Variants in TBC1D22A observed in about 807,000 individuals in gnomAD.
The protein encoded by TBC1D22A is putative GTPase activator.
In TBC1D22A, 38 loss-of-function variants were observed where a neutral mutation model predicts 60.2. The observed-to-expected ratio is 0.63, with a 90% CI of 0.49 to 0.83. The LOEUF (loss-of-function observed/expected upper bound fraction) is 0.83, where lower values mean the gene tolerates loss of function less well. Among genes scored for constraint, TBC1D22A ranks in the 40% least tolerant of loss-of-function variants. The pLI is 0.00. For synonymous variants in TBC1D22A, 302 were observed against 281.7 expected (o/e 1.07, Z -0.72); for missense variants, 628 against 701.0 (o/e 0.90, Z 1.18).
intron 4 of TBC1D22A, among the ~76,000 whole-genome samples, chr22:46,829,919 C>T (rs1342201679): frequency 6.6e-6 from 1 of 152,168 alleles, no homozygotes; most frequent in Non-Finnish European, 1.5e-5. Flanking sequence ...TCCCAAGACA[C>T]CAGATTCAGT....
intron 1 of TBC1D22A, chr22:46,789,531 A>G (rs1057433912): frequency 2.5e-4 from 50 of 203,010 alleles, no homozygotes; most frequent in African/African-American, 1.1e-3. Context: ...TTGCCTCCCC[A>G]GTGCCCTGTC....
chr22:47,099,891 A>G (rs2065341860), intron 11 of TBC1D22A, among the ~76,000 whole-genome samples: 1 of 152,152 alleles, frequency 6.6e-6, no homozygotes, highest in Admixed American at 6.5e-5. Context: ...GAGAGGTGCA[A>G]CGTGCTGACC....
At chr22:47,100,952 C>T (rs2065392423) in intron 11 of TBC1D22A, among the ~76,000 whole-genome samples, 1 of 152,146 alleles carries the variant, frequency 6.6e-6, no homozygotes, top group East Asian at 1.9e-4. Context: ...CTTTGGGCTT[C>T]TGTGAGCTTG....
chr22:46,893,673 C>T (rs759222195), intron 6 of TBC1D22A, among the ~76,000 whole-genome samples: 14 of 152,204 alleles, frequency 9.2e-5, no homozygotes, highest in Non-Finnish European at 1.8e-4. Context: ...GAGACCTGGG[C>T]CCTTGTCCCT....
At chr22:46,920,773 T>C (rs2070707968) in intron 8 of TBC1D22A, among the ~76,000 whole-genome samples, 1 of 89,178 alleles carries the variant, frequency 1.1e-5, no homozygotes, top group South Asian at 4.6e-4. Context: ...CATTATGTTA[T>C]TTATTCATTT....
chr22:47,049,955 C>T (rs2063155984), intron 11 of TBC1D22A, among the ~76,000 whole-genome samples: 1 of 152,208 alleles, frequency 6.6e-6, no homozygotes, highest in South Asian at 2.1e-4. Context: ...AGCCAAGTGA[C>T]CCTGGGGCCC....
chr22:47,117,206 G>A (rs1362566434), intron 12 of TBC1D22A: 3 of 158,490 alleles, frequency 1.9e-5, no homozygotes, highest in East Asian at 1.9e-4. Flanking sequence ...ATGAAAAGAC[G>A]AGCAGGGACG....
chr22:47,032,536 A>G (rs2062512008), intron 10 of TBC1D22A, among the ~76,000 whole-genome samples: 1 of 152,202 alleles, frequency 6.6e-6, no homozygotes, highest in Non-Finnish European at 1.5e-5. Context: ...AAGAACACCC[A>G]GGCTCTGTAG....
intron 8 of TBC1D22A, among the ~76,000 whole-genome samples, chr22:46,936,489 G>A (rs2071663868): frequency 6.6e-6 from 1 of 152,028 alleles, no homozygotes; most frequent in South Asian, 2.1e-4. Context: ...AATGAACTGT[G>A]CCCGCTGGGG....
intron 9 of TBC1D22A, among the ~76,000 whole-genome samples, chr22:46,977,829 C>T (rs372652427): frequency 4.6e-5 from 7 of 152,122 alleles, no homozygotes; most frequent in Non-Finnish European, 8.8e-5. Flanking sequence ...CATGACCCAG[C>T]GACGCAGCGC....
chr22:46,907,763 G>T (rs1010185155), intron 7 of TBC1D22A, among the ~76,000 whole-genome samples: 82 of 152,362 alleles, frequency 5.4e-4, no homozygotes, highest in African/African-American at 1.9e-3. Context: ...CTTGAACTGG[G>T]TGAGAGCCAC....
intron 4 of TBC1D22A, among the ~76,000 whole-genome samples, chr22:46,843,255 T>G (rs776950678): frequency 2.0e-5 from 3 of 152,116 alleles, no homozygotes; most frequent in Non-Finnish European, 4.4e-5. Context: ...ACTAATACAG[T>G]AATACAAACC....
At chr22:46,921,792 T>C (rs191052923) in intron 8 of TBC1D22A, among the ~76,000 whole-genome samples, 7 of 152,264 alleles carry the variant, frequency 4.6e-5, no homozygotes, top group Admixed American at 6.5e-5. Context: ...TTCTGACTGG[T>C]ATGTGATGGT....
At chr22:46,841,550 G>T (rs1256534588) in intron 4 of TBC1D22A, among the ~76,000 whole-genome samples, 1 of 152,216 alleles carries the variant, frequency 6.6e-6, no homozygotes, top group African/African-American at 2.4e-5. Flanking sequence ...CAGCAACATG[G>T]ATGAGCCTGG....
At chr22:46,972,315 T>C (rs2074097437) in intron 8 of TBC1D22A, among the ~76,000 whole-genome samples, 2 of 152,196 alleles carry the variant, frequency 1.3e-5, no homozygotes, top group Non-Finnish European at 2.9e-5. Flanking sequence ...TGTCTGTGCC[T>C]GGTGCCTGGT....
intron 8 of TBC1D22A, among the ~76,000 whole-genome samples, chr22:46,950,748 G>A (rs1041488580): frequency 1.3e-5 from 2 of 152,182 alleles, no homozygotes; most frequent in African/African-American, 2.4e-5. Flanking sequence ...AATCTGAAGA[G>A]GTAGAGAGAG....
At chr22:47,140,808 G>A (rs2067055109) in intron 12 of TBC1D22A, among the ~76,000 whole-genome samples, 1 of 152,178 alleles carries the variant, frequency 6.6e-6, no homozygotes, top group Non-Finnish European at 1.5e-5. Flanking sequence ...CCATGCTGGG[G>A]CGGCTTATCA....
At chr22:47,147,016 G>A (rs1228236482) in intron 12 of TBC1D22A, among the ~76,000 whole-genome samples, 4 of 152,244 alleles carry the variant, frequency 2.6e-5, no homozygotes, top group Non-Finnish European at 5.9e-5. Context: ...CATGGTTGGG[G>A]AGAGTGGGAA....
At chr22:46,776,192 G>A (rs570576065) in intron 1 of TBC1D22A, among the ~76,000 whole-genome samples, 1 of 152,350 alleles carries the variant, frequency 6.6e-6, no homozygotes, top group East Asian at 1.9e-4. Context: ...GGTGTGGGGC[G>A]TGTTCTGTAG....
Sources: gnomAD v4.1 joint callset for allele counts (sites outside exome capture counted in the v4.1 genomes callset) on GRCh38, gnomAD v4.1.1 for gene constraint, MANE v1.5 for transcripts, NCBI Gene and HGNC (gene_info 2026-07-23, HGNC 2026-07-21) for gene names.